Variants in ATG10 observed in about 807,000 individuals in gnomAD.
ATG10 encodes the protein ubiquitin-like-conjugating enzyme ATG10.
In ATG10, 30 loss-of-function variants were observed where a neutral mutation model predicts 32.1. That is an observed-to-expected ratio of 0.94 (90% confidence interval 0.70 to 1.27). The LOEUF is 1.27. Ranked by LOEUF, ATG10 falls within the 50% of genes most tolerant of loss-of-function variation. ATG10 has a pLI of 0.00. For missense variants in ATG10, 233 were observed against 262.3 expected (o/e 0.89, Z 0.77); for synonymous variants, 87 against 91.5 (o/e 0.95, Z 0.28).
At chr5:81,985,402 G>A (rs754778468) in intron 1 of ATG10, among the ~76,000 whole-genome samples, 15 of 152,108 alleles carry the variant, frequency 9.9e-5, no homozygotes, top group African/African-American at 1.4e-4. Context: ...TCTATGTAAC[G>A]TTGATATAGA....
chr5:82,138,256 C>T (rs760270248), intron 3 of ATG10, among the ~76,000 whole-genome samples: 6 of 152,112 alleles, frequency 3.9e-5, no homozygotes, highest in Non-Finnish European at 8.8e-5. Context: ...ACTGGTGTTC[C>T]AGGAGCCACT....
intron 5 of ATG10, among the ~76,000 whole-genome samples, chr5:82,216,764 T>C (rs901319902): frequency 1.3e-5 from 2 of 152,096 alleles, no homozygotes; most frequent in African/African-American, 4.8e-5. Flanking sequence ...AGAATGAAGA[T>C]GGTAGCAACA....
chr5:82,172,148 A>G (rs1389503145), intron 4 of ATG10, among the ~76,000 whole-genome samples: 1 of 152,190 alleles, frequency 6.6e-6, no homozygotes, highest in East Asian at 1.9e-4. Flanking sequence ...GGAAAATTCC[A>G]GATACTCATA....
In ATG10 at chr5:81,997,423, A is replaced by G. The variant is rs559686174; in HGVS notation, c.108+9745A>G. The stretch of plus-strand genomic sequence containing the variant: ...CTAAAATCTTCCAGATTGAAGGAAC[A>G]TCAGGCCACACAGGTGAGAAAGAAC... On this transcript the variant is annotated intron_variant, in intron 2 of 7. Transcript: ENST00000282185. 1.2e-4 allele frequency among the ~76,000 whole-genome samples: 18 copies of G among 152,360 alleles called. 1 individual carries two copies. The South Asian group carries it at 3.7e-3, about 32-fold the overall frequency.
At chr5:82,187,391 A>G (rs1224563964) in intron 5 of ATG10, among the ~76,000 whole-genome samples, 1 of 151,274 alleles carries the variant, frequency 6.6e-6, no homozygotes, top group African/African-American at 2.4e-5. Context: ...GGCACCTGTA[A>G]TCTCAGCTAC....
intron 5 of ATG10, among the ~76,000 whole-genome samples, chr5:82,180,769 G>A (rs1240298623): frequency 6.6e-6 from 1 of 152,106 alleles, no homozygotes. Context: ...CTTGAATCCA[G>A]TTCTTACCAT....
At chr5:82,080,038 A>C (rs1350671169) in intron 3 of ATG10, among the ~76,000 whole-genome samples, 1 of 152,086 alleles carries the variant, frequency 6.6e-6, no homozygotes, top group African/African-American at 2.4e-5. Context: ...TTGTTTCCTG[A>C]CTTTTTAATG....
At chr5:82,126,224 CAG>C (rs1310118381) in intron 3 of ATG10, among the ~76,000 whole-genome samples, 64 of 56,072 alleles carry the variant, frequency 1.1e-3, no homozygotes, top group African/African-American at 4.4e-3. Flanking sequence ...CATCTGCAAA[CAG>C]AGACAATTTG....
chr5:82,057,486 T>C (rs547585702), intron 2 of ATG10, among the ~76,000 whole-genome samples: 2 of 152,304 alleles, frequency 1.3e-5, no homozygotes, highest in Admixed American at 6.5e-5. Context: ...AGTCTTCATC[T>C]TCACATGGCT....
At chr5:82,037,468 C>T (rs1175511287) in intron 2 of ATG10, among the ~76,000 whole-genome samples, 4 of 150,228 alleles carry the variant, frequency 2.7e-5, no homozygotes, top group Non-Finnish European at 3.0e-5. Flanking sequence ...GGGATGGTCT[C>T]GATCTCCTGA....
chr5:82,139,713 G>A, intron 3 of ATG10, among the ~76,000 whole-genome samples: 1 of 143,354 alleles, frequency 7.0e-6, no homozygotes, highest in African/African-American at 2.6e-5. Flanking sequence ...AGGGAGGTGG[G>A]GGGGGGTCAG....
chr5:82,194,483 T>G (rs1744777847), intron 5 of ATG10, among the ~76,000 whole-genome samples: 2 of 152,192 alleles, frequency 1.3e-5, no homozygotes, highest in Non-Finnish European at 2.9e-5. Flanking sequence ...TATTCCGGAT[T>G]CAACAGGTCT....
chr5:82,033,553 C>G (rs566068368), intron 2 of ATG10, among the ~76,000 whole-genome samples: 1 of 152,060 alleles, frequency 6.6e-6, no homozygotes, highest in South Asian at 2.1e-4. Context: ...GGATGCTGCC[C>G]TCTTGGTTTT....
intron 5 of ATG10, among the ~76,000 whole-genome samples, chr5:82,249,374 CTACT>C (rs1338659226): frequency 6.6e-6 from 1 of 152,062 alleles, no homozygotes; most frequent in Non-Finnish European, 1.5e-5. Context: ...TTTTAATATG[CTACT>C]TAATTTACAG....
intron 2 of ATG10, among the ~76,000 whole-genome samples, chr5:81,988,895 T>C (rs1761370295): frequency 6.6e-6 from 1 of 152,180 alleles, no homozygotes; most frequent in East Asian, 1.9e-4. Context: ...AGTGGCATGA[T>C]CTTGGCTCAC....
At chr5:82,011,603 A>C (rs779214211) in intron 2 of ATG10, among the ~76,000 whole-genome samples, 1 of 152,172 alleles carries the variant, frequency 6.6e-6, no homozygotes, top group Non-Finnish European at 1.5e-5. Context: ...CGTTCTCTCA[A>C]CGTTACATTT....
chr5:82,152,076 G>T lies in ATG10; in HGVS notation c.217-12323G>T, dbSNP rs527647775. Among the ~76,000 whole-genome samples, 4 of 152,270 alleles carry T rather than the reference G, an allele frequency of 2.6e-5. No homozygotes were observed. The East Asian group carries it at 5.8e-4, about 22-fold the overall frequency. ...AAAAAATTACATATTCAATCAAATT[G>T]CTCTCATCAAAATACTACTGGCAAG... On this transcript the variant is annotated intron_variant, in intron 3 of 7. Coordinates refer to ENST00000282185, the MANE Select transcript of ATG10 (RefSeq NM_031482.5).
chr5:82,167,644 G>A (rs1318680828), intron 4 of ATG10, among the ~76,000 whole-genome samples: 3 of 152,122 alleles, frequency 2.0e-5, no homozygotes, highest in African/African-American at 7.2e-5. Flanking sequence ...AGTGGACTTA[G>A]AAAAATAGAA....
intron 6 of ATG10, among the ~76,000 whole-genome samples, chr5:82,253,037 T>C (rs1747327094): frequency 6.6e-6 from 1 of 152,162 alleles, no homozygotes; most frequent in South Asian, 2.1e-4. Context: ...CTGTAAACTG[T>C]AAGGGTAAAA....
Sources: gnomAD v4.1 joint callset for allele counts (sites outside exome capture counted in the v4.1 genomes callset) on GRCh38, gnomAD v4.1.1 for gene constraint, MANE v1.5 for transcripts, NCBI Gene and HGNC (gene_info 2026-07-23, HGNC 2026-07-21) for gene names.